Variants in LRTM3 observed in about 807,000 individuals in gnomAD.
The protein encoded by LRTM3 is leucine-rich repeat transmembrane protein 3.
At chr13:102,741,523 G>A in the LRTM3 span, 1 of 1,549,836 alleles carries the variant, frequency 6.5e-7, no homozygotes, top group East Asian at 2.4e-5. Flanking sequence ...TTCTGTTAAT[G>A]TACACATCTT....
the LRTM3 span, chr13:102,742,745 C>T: frequency 1.3e-6 from 2 of 1,550,664 alleles, no homozygotes; most frequent in Non-Finnish European, 1.7e-6. Flanking sequence ...TTTAAGTCTG[C>T]CATTCTGTCT....
chr13:102,746,338 G>A, the LRTM3 span: 3 of 1,550,732 alleles, frequency 1.9e-6, no homozygotes, highest in Non-Finnish European at 2.6e-6. Context: ...CTCTGTCATG[G>A]GATATGCTAT....
the LRTM3 span, chr13:102,735,527 C>G: frequency 6.4e-7 from 1 of 1,550,902 alleles, no homozygotes; most frequent in East Asian, 2.4e-5. Flanking sequence ...CTGAATCTTT[C>G]TCTTTTGTTC....
chr13:102,753,933 G>C, the LRTM3 span, among the ~76,000 whole-genome samples: 3 of 152,144 alleles, frequency 2.0e-5, no homozygotes, highest in Admixed American at 6.5e-5. Context: ...GAAGCAGGCT[G>C]GGCGGGGTGG....
At chr13:102,758,307 A>G in the LRTM3 span, 1 of 706,114 alleles carries the variant, frequency 1.4e-6, no homozygotes. Flanking sequence ...TTGAACAGCT[A>G]GGAAAACCCT....
chr13:102,749,364 C>T, the LRTM3 span: 1 of 1,551,318 alleles, frequency 6.4e-7, no homozygotes. Flanking sequence ...TGGCCTTGTG[C>T]TTTTACACTC....
the LRTM3 span, chr13:102,729,674 T>C: frequency 1.6e-5 from 25 of 1,551,322 alleles, 1 homozygote; most frequent in Middle Eastern, 3.3e-4. Context: ...TTGTTTTCTT[T>C]CAGAATAGAA....
At chr13:102,742,254 G>A in the LRTM3 span, 3 of 1,550,360 alleles carry the variant, frequency 1.9e-6, no homozygotes, top group Non-Finnish European at 2.6e-6. Context: ...TCAAGCAGCT[G>A]GGAAACTGTT....
the LRTM3 span, chr13:102,730,434 C>A: frequency 6.4e-7 from 1 of 1,550,934 alleles, no homozygotes; most frequent in African/African-American, 1.4e-5. Context: ...ACAGCTGAAC[C>A]AGTAGCATTT....
At chr13:102,756,870 C>G in the LRTM3 span, among the ~76,000 whole-genome samples, 1 of 151,990 alleles carries the variant, frequency 6.6e-6, no homozygotes, top group Non-Finnish European at 1.5e-5. Flanking sequence ...CCTTAACGCC[C>G]CCTAGAAAGA....
At chr13:102,736,858 T>C in the LRTM3 span, 1 of 1,551,052 alleles carries the variant, frequency 6.4e-7, no homozygotes, top group Non-Finnish European at 8.7e-7. Flanking sequence ...AATATGACAA[T>C]GTATATTTTA....
chr13:102,744,525 A>G, the LRTM3 span: 50 of 1,550,444 alleles, frequency 3.2e-5, no homozygotes, highest in Admixed American at 4.5e-4. Flanking sequence ...TTCATCATGT[A>G]TCCAGAAATA....
chr13:102,744,335 T>G, the LRTM3 span: 5 of 1,550,294 alleles, frequency 3.2e-6, no homozygotes, highest in African/African-American at 5.5e-5. Flanking sequence ...TAAGACTGTT[T>G]GTAAGTTTTT....
At chr13:102,743,414 A>T in the LRTM3 span, 4 of 1,550,560 alleles carry the variant, frequency 2.6e-6, no homozygotes, top group Middle Eastern at 3.3e-4. Flanking sequence ...CATTGCTTTC[A>T]GTTTGGTTTT....
the LRTM3 span, chr13:102,733,186 G>A: frequency 6.4e-7 from 1 of 1,551,366 alleles, no homozygotes; most frequent in Non-Finnish European, 8.7e-7. Flanking sequence ...CACACCGTCG[G>A]ATCACTTGCT....
the LRTM3 span, among the ~76,000 whole-genome samples, chr13:102,755,951 ATATATATATATT>A: frequency 0.17 from 9,979 of 60,212 alleles, 369 homozygotes; most frequent in South Asian, 0.25. Flanking sequence ...ACATATATAT[ATATATATATATT>A]TTTTTTTTTT....
chr13:102,739,469 C>A, the LRTM3 span: 1 of 1,550,524 alleles, frequency 6.4e-7, no homozygotes, highest in Non-Finnish European at 8.7e-7. Flanking sequence ...CTTATCTTTA[C>A]CTGCTTTTGT....
the LRTM3 span, chr13:102,739,436 AG>A: frequency 1.3e-6 from 2 of 1,550,504 alleles, no homozygotes; most frequent in South Asian, 2.4e-5. Context: ...TAGTGGTGGA[AG>A]GCAGCCCTTT....
chr13:102,735,062 T>G, the LRTM3 span: 22 of 1,551,124 alleles, frequency 1.4e-5, no homozygotes, highest in Non-Finnish European at 1.8e-5. Flanking sequence ...CACATTAAGG[T>G]GAAGTGGGGA....
Sources: allele counts gnomAD v4.1 joint callset (sites outside exome capture counted in the v4.1 genomes callset), GRCh38; gene constraint gnomAD v4.1.1; transcripts MANE v1.5; gene names NCBI Gene and HGNC (gene_info 2026-07-23, HGNC 2026-07-21).